LMO7: variants seen among roughly 807,000 people sequenced by gnomAD.
LMO7 encodes the protein LIM domain 7.
Under a neutral mutation model 206.5 loss-of-function variants are expected in LMO7, and 120 were observed. The observed-to-expected ratio is 0.58, with a 90% CI of 0.50 to 0.68. The LOEUF (loss-of-function observed/expected upper bound fraction) is 0.68. LMO7 is among the 30% of genes least tolerant of loss of function. The pLI is 0.00. For missense variants in LMO7, 1,959 were observed against 1,957.9 expected, an observed-to-expected ratio of 1.00 and a Z score of -0.01; for synonymous variants, 706 against 681.5, an observed-to-expected ratio of 1.04 and a Z score of -0.56.
At chr13:75,744,301 A>G (rs967121905) in intron 3 of LMO7, among the ~76,000 whole-genome samples, 1 of 152,170 alleles carries the variant, frequency 6.6e-6, no homozygotes, top group Non-Finnish European at 1.5e-5. Flanking sequence ...TTCTAGCATA[A>G]TCTCTTAGTC....
In LMO7 at chr13:75,776,144, T is replaced by G. The variant is rs1248926061; in HGVS notation, c.317+15106T>G. Among the ~76,000 whole-genome samples, 48 of 81,520 alleles carry G rather than the reference T, an allele frequency of 5.9e-4. No homozygotes were observed. In the East Asian group the frequency reaches 0.017, roughly 28 times the overall value. The allele number at this position is 81,520 out of a possible 152,430, so 53.5% of individuals were successfully genotyped here. On this transcript the variant is annotated intron_variant, in intron 4 of 30. Coordinates refer to ENST00000377534, the MANE Select transcript of LMO7 (RefSeq NM_001306080.2). ...ATACATACATATATATATATATATA[T>G]GCCATGTATATATATCGGATATATA...
At chr13:75,841,013 G>T (rs891903591) in intron 22 of LMO7, 96 bp from the exon 23 acceptor site, 5 of 736,032 alleles carry the variant, frequency 6.8e-6, no homozygotes, top group Non-Finnish European at 1.1e-5. Flanking sequence ...AAAGGTTTGA[G>T]GTTGAAGGTT....
rs905345223 is a variant in LMO7, at chr13:75,636,949, C to G, written c.69+223C>G. Reference sequence around the variant, plus strand: ...TGGCGCTGCCCTAACCCCCGCCCCCCGACGGTGTCACTGGCTTCCTAGGGC... The same window carrying G: ...TGGCGCTGCCCTAACCCCCGCCCCCGGACGGTGTCACTGGCTTCCTAGGGC... On this transcript the variant is annotated intron_variant, in intron 1 of 30. Coordinates refer to ENST00000377534, the MANE Select transcript of LMO7 (RefSeq NM_001306080.2). 5.3e-5 allele frequency among the ~76,000 whole-genome samples: 8 copies of G among 152,330 alleles called. No individual in the cohort carries two copies. The East Asian group carries it at 1.5e-3, about 29-fold the overall frequency.
chr13:75,697,514 C>A (rs1407617845), intron 1 of LMO7, among the ~76,000 whole-genome samples: 1 of 152,092 alleles, frequency 6.6e-6, no homozygotes, highest in Non-Finnish European at 1.5e-5. Flanking sequence ...GGGAAACTGC[C>A]CCCATGATTC....
intron 7 of LMO7, among the ~76,000 whole-genome samples, chr13:75,803,272 C>T (rs890096867): frequency 6.6e-6 from 1 of 152,166 alleles, no homozygotes; most frequent in Non-Finnish European, 1.5e-5. Flanking sequence ...ACTGTAGCTT[C>T]CTGCCAGGCA....
intron 1 of LMO7, among the ~76,000 whole-genome samples, chr13:75,669,247 G>A (rs927245134): frequency 6.6e-6 from 1 of 152,184 alleles, no homozygotes; most frequent in African/African-American, 2.4e-5. Context: ...TGCATTGTGA[G>A]TGTGTGTGTA....
intron 15 of LMO7, among the ~76,000 whole-genome samples, chr13:75,828,827 A>C (rs1336990764): frequency 6.6e-6 from 1 of 152,164 alleles, no homozygotes; most frequent in Admixed American, 6.5e-5. Flanking sequence ...GGGTGATTCA[A>C]GATGGATTAT....
intron 1 of LMO7, among the ~76,000 whole-genome samples, chr13:75,649,334 G>C (rs1348268502): frequency 6.6e-6 from 1 of 152,214 alleles, no homozygotes; most frequent in Non-Finnish European, 1.5e-5. Context: ...GACAGGAAGA[G>C]AAAGGGGCGG....
intron 4 of LMO7, among the ~76,000 whole-genome samples, chr13:75,779,912 T>C (rs1813890162): frequency 1.3e-5 from 2 of 152,084 alleles, no homozygotes; most frequent in Non-Finnish European, 2.9e-5. Context: ...ACAAAAGAGA[T>C]AAATTTTAAA....
intron 1 of LMO7, among the ~76,000 whole-genome samples, chr13:75,678,454 T>C (rs549034751): frequency 7.4e-4 from 113 of 152,234 alleles, no homozygotes; most frequent in Non-Finnish European, 2.2e-4. Flanking sequence ...GAAGTGTCTG[T>C]TCATATCCTT....
chr13:75,830,335 A>G (rs1402645632), intron 15 of LMO7, among the ~76,000 whole-genome samples: 2 of 152,176 alleles, frequency 1.3e-5, no homozygotes, highest in African/African-American at 4.8e-5. Flanking sequence ...TTGAAACCAC[A>G]ACCACCCACT....
chr13:75,681,706 GTATATATATATGTATATATATATA>G (rs1433883400), intron 1 of LMO7, among the ~76,000 whole-genome samples: 1 of 93,328 alleles, frequency 1.1e-5, no homozygotes, highest in African/African-American at 3.6e-5. Flanking sequence ...GTATGTATGT[GTATATATATATGTATATATATATA>G]TATATATATA....
In LMO7 at chr13:75,859,488, C is replaced by G. The variant is rs2061156962; in HGVS notation, c.*1545C>G. The G allele has an allele frequency of 1.3e-5, 2 of 151,908 alleles. No individual in the cohort carries two copies. Among genetic ancestry groups the G allele is most frequent in the Non-Finnish European group, 2.9e-5 (2 of 67,986 alleles). 9.4% of individuals were successfully genotyped at this position (151,908 alleles called of 1,614,324 possible). Reference sequence around the variant, plus strand: ...GTTGCATAGTGCTCCATTGTTTGGCCTTGGTAATATTTAGTTGATAATTCC... The same window carrying G: ...GTTGCATAGTGCTCCATTGTTTGGCGTTGGTAATATTTAGTTGATAATTCC... On this transcript the variant is annotated 3_prime_UTR_variant, in exon 31 of 31. Coordinates refer to ENST00000377534, the MANE Select transcript of LMO7 (RefSeq NM_001306080.2).
chr13:75,696,269 G>A (rs1275321549), intron 1 of LMO7, among the ~76,000 whole-genome samples: 1 of 152,064 alleles, frequency 6.6e-6, no homozygotes, highest in Non-Finnish European at 1.5e-5. Context: ...GCAGGAGAAT[G>A]GCTTGAACCT....
intron 1 of LMO7, among the ~76,000 whole-genome samples, chr13:75,659,060 C>G (rs1434362814): frequency 6.6e-6 from 1 of 151,650 alleles, no homozygotes; most frequent in African/African-American, 2.4e-5. Context: ...CATTATTTTT[C>G]TCTTATTACC....
chr13:75,751,249 C>T (rs971402660), intron 3 of LMO7, among the ~76,000 whole-genome samples: 2 of 149,932 alleles, frequency 1.3e-5, no homozygotes, highest in Admixed American at 6.7e-5. Context: ...CAAGCTCCAC[C>T]TCCCAGGTTC....
chr13:75,636,506 G>A lies in LMO7; in HGVS notation c.-152G>A. On this transcript the variant is annotated 5_prime_UTR_variant, in exon 1 of 31. Coordinates refer to ENST00000377534, the MANE Select transcript of LMO7 (RefSeq NM_001306080.2). The stretch of plus-strand genomic sequence containing the variant: ...TTAACGAACTGCAGAGCGCAACAAA[G>A]GGAACTAGAGCCCCGGCGCCTTCGC... 6.7e-7 allele frequency: 1 copy of A among 1,492,534 alleles called. No individual in the cohort carries two copies. The highest frequency in any genetic ancestry group is 2.5e-5 in the East Asian group (1 of 40,500). The allele number at this position is 1,492,534 out of a possible 1,614,324, so 92.5% of individuals were successfully genotyped here. A position where few individuals can be genotyped will look rare whatever the true frequency, so the allele number is the denominator to read the frequency against.
At chr13:75,760,886 T>G in intron 3 of LMO7, 46 bp from the exon 4 acceptor site, 2 of 1,609,830 alleles carry the variant, frequency 1.2e-6, no homozygotes, top group Non-Finnish European at 1.7e-6. Context: ...AACCTTTGTC[T>G]GAGAGAGAGC....
intron 1 of LMO7, among the ~76,000 whole-genome samples, chr13:75,622,828 C>CT (rs1301963187): frequency 6.6e-6 from 1 of 152,142 alleles, no homozygotes; most frequent in South Asian, 2.1e-4. Context: ...ATAACTCCAG[C>CT]TTTTTTTGGT....
Sources: allele counts gnomAD v4.1 joint callset (sites outside exome capture counted in the v4.1 genomes callset), GRCh38; gene constraint gnomAD v4.1.1; transcripts MANE v1.5; gene names NCBI Gene and HGNC (gene_info 2026-07-23, HGNC 2026-07-21).